The following COL6A6 variants were observed in gnomAD, a reference collection of about 807,000 sequenced individuals.
The protein encoded by COL6A6 is collagen type VI alpha 6 chain, also known as collagen alpha-6(VI) chain.
COL6A6 carries 183 observed loss-of-function variants against 208.6 expected under a neutral mutation model. The ratio of observed to expected loss-of-function variants is 0.88; its 90% confidence interval spans 0.78 to 0.99. The LOEUF (loss-of-function observed/expected upper bound fraction) is 0.99, where lower values mean the gene tolerates loss of function less well. COL6A6 is among the 50% of genes least tolerant of loss of function. The probability of loss-of-function intolerance (pLI) is 0.00; values close to 1 mark genes in which losing one functional copy is unlikely to be tolerated. For synonymous variants in COL6A6, 973 were observed against 1,011.8 expected (o/e 0.96, Z 0.73); for missense variants, 2,816 against 2,815.2 (o/e 1.00, Z -0.01).
chr3:130,643,464 C>G (rs974290374), intron 31 of COL6A6, among the ~76,000 whole-genome samples: 3 of 152,114 alleles, frequency 2.0e-5, no homozygotes, highest in Non-Finnish European at 4.4e-5. Flanking sequence ...TTATTCCTTT[C>G]CCGGGAAGAT....
chr3:130,605,073 A>T (rs1576314573), intron 20 of COL6A6, among the ~76,000 whole-genome samples: 1 of 152,218 alleles, frequency 6.6e-6, no homozygotes, highest in East Asian at 1.9e-4. Context: ...GCTGCTACCA[A>T]ATATGCTTCC....
In COL6A6 at chr3:130,565,329, C is replaced by T; in HGVS notation, c.997C>T (p.Pro333Ser). The T allele has an allele frequency of 6.2e-7, 1 of 1,613,942 alleles. No homozygotes were observed. The part of the protein sequence containing the change: ...RNGSRKNQGV[P>S]QIAVLVTHRD... ...TGGCAGTCGGAAGAATCAGGGGGTG[C>T]CCCAGATTGCCGTGCTGGTGACCCA... is the stretch of plus-strand genomic sequence containing the variant. The change falls in exon 4 of 37, where the codon CCC (proline) becomes TCC (serine). Residue 333 changes from proline (P) to serine (S), a missense_variant. Pro to Ser is a moderately conservative substitution (Grantham distance 74). Coordinates refer to ENST00000358511, the MANE Select transcript of COL6A6 (RefSeq NM_001102608.3).
chr3:130,635,890 C>A, intron 28 of COL6A6, 129 bp downstream of exon 28: 1 of 666,868 alleles, frequency 1.5e-6, no homozygotes, highest in Non-Finnish European at 2.6e-6. Flanking sequence ...TCTATTAAGG[C>A]AAACTTGGGG....
At position 130,571,262 on chromosome 3, in the gene COL6A6, A is replaced by C. The variant is rs1324721205; in HGVS notation, c.2846A>C (p.Asp949Ala). The change falls in exon 7 of 37, where the codon GAT becomes GCT. Residue 949 changes from aspartate (D) to alanine (A), a missense_variant. Physicochemically the swap from Asp to Ala is moderately radical, Grantham distance 126. Transcript: ENST00000358511. ...KGILVLAVGI[D>A]GANPVELLAM... is the part of the protein sequence containing the mutation. ...ATTCTTGTCCTGGCTGTGGGGATTGATGGTGCCAATCCCGTGGAGCTGTTA... is the reference window on the plus strand; with the variant it reads ...ATTCTTGTCCTGGCTGTGGGGATTGCTGGTGCCAATCCCGTGGAGCTGTTA... 2 of 1,614,004 alleles carry C rather than the reference A, an allele frequency of 1.2e-6. No individual in the cohort carries two copies. The highest frequency in any genetic ancestry group is 1.1e-5 in the South Asian group (1 of 91,082).
At chr3:130,605,358 C>G (rs993071597) in intron 20 of COL6A6, among the ~76,000 whole-genome samples, 4 of 149,446 alleles carry the variant, frequency 2.7e-5, no homozygotes, top group African/African-American at 5.1e-5. Context: ...AATGAGGGTC[C>G]CCTGAGGTCA....
chr3:130,659,975 A>G (rs1048735576), intron 34 of COL6A6, among the ~76,000 whole-genome samples: 2 of 152,124 alleles, frequency 1.3e-5, no homozygotes, highest in African/African-American at 2.4e-5. Context: ...GGCGCTGGCA[A>G]TCTTACTCAG....
At chr3:130,540,487 CTTT>C (rs935687480) in intron 1 of COL6A6, among the ~76,000 whole-genome samples, 1 of 152,128 alleles carries the variant, frequency 6.6e-6, no homozygotes, top group Admixed American at 6.5e-5. Flanking sequence ...GTGCTCTGCC[CTTT>C]TTTTCTTTTT....
At chr3:130,519,433 C>G (rs185358052) in intron 1 of COL6A6, among the ~76,000 whole-genome samples, 114 of 152,318 alleles carry the variant, frequency 7.5e-4, no homozygotes, top group Admixed American at 7.3e-3. Flanking sequence ...CTCATTCCTA[C>G]AGTCCTAAGA....
At chr3:130,567,691 A>G (rs1313294278) in intron 5 of COL6A6, among the ~76,000 whole-genome samples, 1 of 152,122 alleles carries the variant, frequency 6.6e-6, no homozygotes, top group African/African-American at 2.4e-5. Flanking sequence ...GTCAACGCCT[A>G]GAGACATTTC....
Position 130,535,447 on chromosome 3 carries a change from G to GT in COL6A6, c.-32+18055dup, listed in dbSNP as rs144455665. On this transcript the variant is annotated intron_variant, in intron 1 of 36. Coordinates refer to ENST00000358511, the MANE Select transcript of COL6A6 (RefSeq NM_001102608.3). ...CTCTTTAAGCACTTTTCACAAATTT[G>GT]TTTTTGCAGTGTCTTTTGAATTATT... Among the ~76,000 whole-genome samples, 934 of 151,172 alleles carry GT rather than the reference G, an allele frequency of 6.2e-3. 11 individuals carry two copies. The highest frequency in any genetic ancestry group is 0.041 in the East Asian group (210 of 5,150).
At chr3:130,627,561 G>T (rs2064928611) in intron 26 of COL6A6, among the ~76,000 whole-genome samples, 192 bp downstream of exon 26, 1 of 152,206 alleles carries the variant, frequency 6.6e-6, no homozygotes, top group African/African-American at 2.4e-5. Context: ...TTAAGGTGCA[G>T]GCAACAAGTG....
At chr3:130,585,930 T>C (rs6793968) in intron 10 of COL6A6, among the ~76,000 whole-genome samples, 38,759 of 152,106 alleles carry the variant, frequency 0.25, 7,966 homozygotes, top group African/African-American at 0.55. Context: ...TCAAGGATCC[T>C]CCACTGAGTG....
At chr3:130,661,324 G>A (rs1306979903) in intron 34 of COL6A6, among the ~76,000 whole-genome samples, 7 of 152,154 alleles carry the variant, frequency 4.6e-5, no homozygotes, top group East Asian at 1.9e-4. Flanking sequence ...TTGCATGCAC[G>A]AGGCCAATCG....
chr3:130,563,347 A>G lies in COL6A6; in HGVS notation c.344A>G (p.His115Arg). 6.2e-7 allele frequency: 1 copy of G among 1,613,986 alleles called. No individual in the cohort carries two copies. Among genetic ancestry groups the G allele is most frequent in the Non-Finnish European group, 8.5e-7 (1 of 1,179,878 alleles). ...ATAGGAAAGGCTCTTCAGGAGGCTC[A>G]CAGGACTTATTTCTCTGCACCCGCA... ...LQIGKALQEA[H>R]RTYFSAPANG... The change falls in exon 3 of 37, where the codon CAC becomes CGC. Residue 115 changes from histidine (H) to arginine (R), a missense_variant. Transcript: ENST00000358511.
At chr3:130,524,708 G>A (rs1286077561) in intron 1 of COL6A6, among the ~76,000 whole-genome samples, 1 of 152,164 alleles carries the variant, frequency 6.6e-6, no homozygotes, top group Non-Finnish European at 1.5e-5. Flanking sequence ...GGAGAAAACA[G>A]CAATTAGGCA....
chr3:130,536,346 A>C (rs1577631325), intron 1 of COL6A6, among the ~76,000 whole-genome samples: 2 of 152,272 alleles, frequency 1.3e-5, no homozygotes, highest in South Asian at 4.1e-4. Context: ...TTGTTCATTC[A>C]AGTACCACAG....
intron 23 of COL6A6, among the ~76,000 whole-genome samples, chr3:130,620,130 G>A (rs2064667309): frequency 6.6e-6 from 1 of 151,374 alleles, no homozygotes; most frequent in African/African-American, 2.4e-5. Context: ...TTTTTTTTTG[G>A]CATAGAGGCT....
At chr3:130,609,570 A>G (rs1385359948) in intron 22 of COL6A6, among the ~76,000 whole-genome samples, 2 of 152,196 alleles carry the variant, frequency 1.3e-5, no homozygotes, top group Admixed American at 1.3e-4. Context: ...TTTAGCTAAC[A>G]TATTATGATA....
At chr3:130,575,081 G>A (rs972864022) in intron 8 of COL6A6, among the ~76,000 whole-genome samples, 1 of 152,098 alleles carries the variant, frequency 6.6e-6, no homozygotes. Context: ...TGTTATAAAG[G>A]TATCTTATGG....
Sources: gnomAD v4.1 joint callset for allele counts (sites outside exome capture counted in the v4.1 genomes callset) on GRCh38, gnomAD v4.1.1 for gene constraint, MANE v1.5 for transcripts, NCBI Gene and HGNC (gene_info 2026-07-23, HGNC 2026-07-21) for gene names.